MTUS2: variants seen among roughly 807,000 people sequenced by gnomAD.
MTUS2 encodes the protein microtubule associated scaffold protein 2, also known as microtubule-associated tumor suppressor candidate 2.
A neutral mutation model predicts 114.1 loss-of-function variants in MTUS2; 40 were observed. The ratio of observed to expected loss-of-function variants is 0.35; its 90% CI spans 0.27 to 0.46. MTUS2 has a LOEUF of 0.46. Among genes scored for constraint, MTUS2 ranks in the 20% least tolerant of loss-of-function variants. MTUS2 has a pLI of 1.00. For missense variants in MTUS2, 1,679 were observed against 1,705.4 expected (o/e 0.98, Z 0.27); for synonymous variants, 688 against 672.0 (o/e 1.02, Z -0.37).
At chr13:29,284,949 A>T (rs111475818) in intron 6 of MTUS2, among the ~76,000 whole-genome samples, 1 of 152,162 alleles carries the variant, frequency 6.6e-6, no homozygotes, top group Non-Finnish European at 1.5e-5. Context: ...TCCTTGAAGA[A>T]CCAGCTGTTT....
At chr13:29,352,722 T>G (rs984228023) in intron 7 of MTUS2, among the ~76,000 whole-genome samples, 32 of 152,372 alleles carry the variant, frequency 2.1e-4, no homozygotes, top group Admixed American at 9.1e-4. Context: ...GTTGTATGGA[T>G]ATAAAACAAT....
At chr13:29,195,674 G>T (rs967039118) in intron 5 of MTUS2, among the ~76,000 whole-genome samples, 1 of 152,060 alleles carries the variant, frequency 6.6e-6, no homozygotes. Flanking sequence ...CAAGGGAAGG[G>T]CGCCCCACCC....
intron 5 of MTUS2, among the ~76,000 whole-genome samples, chr13:29,199,659 G>T (rs188820120): frequency 2.6e-5 from 4 of 151,904 alleles, no homozygotes; most frequent in Admixed American, 6.6e-5. Context: ...TTCTTTTTTT[G>T]TTGTGTCTCT....
intron 7 of MTUS2, among the ~76,000 whole-genome samples, chr13:29,350,661 A>G (rs1242556472): frequency 6.6e-6 from 1 of 152,008 alleles, no homozygotes; most frequent in African/African-American, 2.4e-5. Context: ...CTGCTATAAC[A>G]AATACCATAG....
chr13:29,497,544 T>TA, intron 13 of MTUS2: 1 of 584,000 alleles, frequency 1.7e-6, no homozygotes, highest in Non-Finnish European at 3.1e-6. Flanking sequence ...TTTCTCCAGC[T>TA]ACGTGTTATT....
intron 5 of MTUS2, among the ~76,000 whole-genome samples, chr13:29,165,346 A>G (rs927446520): frequency 2.0e-5 from 3 of 152,056 alleles, no homozygotes; most frequent in Non-Finnish European, 4.4e-5. Context: ...ATCTCACCAC[A>G]CGTAACACCC....
At chr13:29,346,426 G>T (rs1868692146) in intron 7 of MTUS2, among the ~76,000 whole-genome samples, 1 of 152,060 alleles carries the variant, frequency 6.6e-6, no homozygotes, top group Non-Finnish European at 1.5e-5. Context: ...ATGGAGTTAT[G>T]TTCCCAGGGG....
intron 7 of MTUS2, among the ~76,000 whole-genome samples, chr13:29,335,162 C>T (rs1417676474): frequency 2.0e-5 from 3 of 152,190 alleles, no homozygotes; most frequent in African/African-American, 7.2e-5. Flanking sequence ...CAGCAAGGAA[C>T]ATCCCTGAGA....
chr13:28,974,608 A>G (rs898675343), intron 2 of MTUS2, among the ~76,000 whole-genome samples: 1 of 152,208 alleles, frequency 6.6e-6, no homozygotes, highest in Non-Finnish European at 1.5e-5. Context: ...GGCTTGTTAT[A>G]TAATAGGTTC....
At chr13:29,283,605 T>C (rs1166036514) in intron 6 of MTUS2, among the ~76,000 whole-genome samples, 2 of 152,176 alleles carry the variant, frequency 1.3e-5, no homozygotes, top group African/African-American at 4.8e-5. Context: ...ACAGGGCTTG[T>C]AAAAACACAC....
chr13:29,352,199 T>C (rs912265978), intron 7 of MTUS2, among the ~76,000 whole-genome samples: 2 of 152,240 alleles, frequency 1.3e-5, no homozygotes, highest in African/African-American at 4.8e-5. Flanking sequence ...CTGGAAATTA[T>C]ACAACTTCTC....
intron 4 of MTUS2, among the ~76,000 whole-genome samples, chr13:29,090,436 T>A (rs1415285401): frequency 6.6e-6 from 1 of 151,346 alleles, no homozygotes; most frequent in Non-Finnish European, 1.5e-5. Context: ...TGCAGGAGAG[T>A]ACACTGTAGT....
chr13:29,101,968 AT>A (rs1246754629), intron 5 of MTUS2, among the ~76,000 whole-genome samples: 1 of 152,324 alleles, frequency 6.6e-6, no homozygotes, highest in Non-Finnish European at 1.5e-5. Context: ...AATACATTAC[AT>A]TTCCCTTTGT....
At chr13:29,471,550 C>A (rs1401625843) in intron 9 of MTUS2, among the ~76,000 whole-genome samples, 5 of 152,088 alleles carry the variant, frequency 3.3e-5, no homozygotes, top group Non-Finnish European at 4.4e-5. Flanking sequence ...TGTCCTTGCC[C>A]ACTGCTGCGG....
intron 13 of MTUS2, chr13:29,497,772 G>A: frequency 5.5e-6 from 1 of 182,778 alleles, no homozygotes; most frequent in Non-Finnish European, 1.2e-5. Context: ...ACATGGGGTT[G>A]CCAAATAAAA....
chr13:29,080,722 T>G (rs899823914), intron 4 of MTUS2, among the ~76,000 whole-genome samples: 2 of 152,140 alleles, frequency 1.3e-5, no homozygotes, highest in Admixed American at 6.5e-5. Flanking sequence ...TTAATCTCTC[T>G]CTCTCTCTTT....
At chr13:29,383,756 A>AG (rs56412902) in intron 8 of MTUS2, among the ~76,000 whole-genome samples, 91,866 of 151,942 alleles carry the variant, frequency 0.6, 29,188 homozygotes, top group East Asian at 0.73. Flanking sequence ...GTGCCAAGGG[A>AG]GGGCAGGCCA....
chr13:29,342,271 A>G (rs1901440656), intron 7 of MTUS2, among the ~76,000 whole-genome samples: 1 of 151,836 alleles, frequency 6.6e-6, no homozygotes. Flanking sequence ...TATTGATTCT[A>G]CCCATCCATG....
intron 8 of MTUS2, among the ~76,000 whole-genome samples, chr13:29,405,899 C>T (rs1216463600): frequency 6.6e-6 from 1 of 152,006 alleles, no homozygotes; most frequent in Non-Finnish European, 1.5e-5. Flanking sequence ...TGCCACCATG[C>T]CTGACTAATT....
Sources: allele counts gnomAD v4.1 joint callset (sites outside exome capture counted in the v4.1 genomes callset), GRCh38; gene constraint gnomAD v4.1.1; transcripts MANE v1.5; gene names NCBI Gene and HGNC (gene_info 2026-07-23, HGNC 2026-07-21).